GRIN2B: variants seen among roughly 807,000 people sequenced by gnomAD.
GRIN2B encodes glutamate ionotropic receptor NMDA type subunit 2B.
GRIN2B carries 5 observed loss-of-function variants against 114.5 expected under a neutral mutation model. The observed-to-expected ratio is 0.04, with a 90% CI of 0.02 to 0.09. The LOEUF (loss-of-function observed/expected upper bound fraction) is 0.09. Ranked by LOEUF, GRIN2B falls within the 10% of genes least tolerant of loss-of-function variation. GRIN2B has a pLI of 1.00. For synonymous variants in GRIN2B, 787 were observed against 745.1 expected (o/e 1.06, Z -0.92); for missense variants, 1,108 against 1,943.5 (o/e 0.57, Z 8.08).
chr12:13,620,997 G>A (rs1399979684), intron 5 of GRIN2B, among the ~76,000 whole-genome samples: 1 of 151,592 alleles, frequency 6.6e-6, no homozygotes, highest in Non-Finnish European at 1.5e-5. Context: ...CAACAAACAG[G>A]GTTCATGTTA....
At chr12:13,953,534 G>T (rs1165811432) in intron 2 of GRIN2B, among the ~76,000 whole-genome samples, 1 of 152,174 alleles carries the variant, frequency 6.6e-6, no homozygotes, top group African/African-American at 2.4e-5. Context: ...ACATTTCCAA[G>T]CCTCCCGTGC....
At chr12:13,676,567 T>C (rs1192563033) in intron 4 of GRIN2B, among the ~76,000 whole-genome samples, 1 of 152,094 alleles carries the variant, frequency 6.6e-6, no homozygotes, top group Non-Finnish European at 1.5e-5. Context: ...TCTCATTAAG[T>C]GCTAACAATT....
intron 4 of GRIN2B, among the ~76,000 whole-genome samples, chr12:13,711,164 T>A (rs1481872518): frequency 2.0e-5 from 3 of 152,164 alleles, no homozygotes; most frequent in Admixed American, 6.5e-5. Flanking sequence ...CTGGGAAAAC[T>A]GGCTAGCCAT....
chr12:13,601,552 G>A (rs889692513), intron 10 of GRIN2B, among the ~76,000 whole-genome samples: 1 of 149,446 alleles, frequency 6.7e-6, no homozygotes, highest in Non-Finnish European at 1.5e-5. Context: ...GTCAATGTTT[G>A]TAGGTTCTAG....
intron 4 of GRIN2B, chr12:13,683,781 C>T (rs1344572391): frequency 6.6e-6 from 1 of 152,180 alleles, no homozygotes; most frequent in Non-Finnish European, 1.5e-5. Flanking sequence ...AAGCTCTCAA[C>T]ATATATAAAG....
At chr12:13,910,106 C>A (rs1340716884) in intron 2 of GRIN2B, among the ~76,000 whole-genome samples, 3 of 152,084 alleles carry the variant, frequency 2.0e-5, no homozygotes, top group Admixed American at 2.0e-4. Flanking sequence ...TGCTTCCAAA[C>A]CTGGTTATTT....
At chr12:13,861,730 C>T (rs1307364800) in intron 3 of GRIN2B, among the ~76,000 whole-genome samples, 1 of 152,128 alleles carries the variant, frequency 6.6e-6, no homozygotes, top group Non-Finnish European at 1.5e-5. Context: ...AGAGCCTTCC[C>T]CCAGATTTTC....
chr12:13,655,478 A>C (rs531411509), intron 5 of GRIN2B, among the ~76,000 whole-genome samples: 105 of 152,178 alleles, frequency 6.9e-4, no homozygotes, highest in Non-Finnish European at 1.4e-3. Context: ...CTTAGAAGCT[A>C]CTGCAGATTA....
chr12:13,606,053 T>C (rs191208198), intron 10 of GRIN2B, among the ~76,000 whole-genome samples: 4 of 152,206 alleles, frequency 2.6e-5, no homozygotes, highest in African/African-American at 9.6e-5. Flanking sequence ...CATAGTCTAC[T>C]ACCTCTCTGC....
At chr12:13,799,965 TC>T (rs1391166517) in intron 3 of GRIN2B, among the ~76,000 whole-genome samples, 1 of 152,124 alleles carries the variant, frequency 6.6e-6, no homozygotes, top group African/African-American at 2.4e-5. Flanking sequence ...ACTCTATTTC[TC>T]CCAGGGGACT....
chr12:13,774,879 T>C (rs1473564664), intron 3 of GRIN2B, among the ~76,000 whole-genome samples: 1 of 152,144 alleles, frequency 6.6e-6, no homozygotes, highest in African/African-American at 2.4e-5. Flanking sequence ...AAGTGAAATG[T>C]AATTATCACA....
intron 2 of GRIN2B, among the ~76,000 whole-genome samples, chr12:13,978,286 G>T (rs1863064379): frequency 6.6e-6 from 1 of 152,144 alleles, no homozygotes; most frequent in African/African-American, 2.4e-5. Flanking sequence ...AATGAGTTCA[G>T]GTGTCTCTAA....
At chr12:13,672,371 C>A (rs1950030226) in intron 5 of GRIN2B, among the ~76,000 whole-genome samples, 1 of 152,134 alleles carries the variant, frequency 6.6e-6, no homozygotes, top group South Asian at 2.1e-4. Flanking sequence ...GTGTTCAAAT[C>A]CTCCCTGTAG....
chr12:13,805,227 C>T (rs765950572), intron 3 of GRIN2B, among the ~76,000 whole-genome samples: 1 of 152,176 alleles, frequency 6.6e-6, no homozygotes, highest in African/African-American at 2.4e-5. Context: ...GGTGCAATGA[C>T]TCACTGAGGT....
chr12:13,651,175 T>C (rs7316069), intron 5 of GRIN2B, among the ~76,000 whole-genome samples: 152,228 of 152,228 alleles, frequency 1, 76,114 homozygotes, highest in Non-Finnish European at 1. Flanking sequence ...CCTAAGATGT[T>C]TTATATCTTC....
intron 2 of GRIN2B, among the ~76,000 whole-genome samples, chr12:13,891,723 G>A (rs1385424711): frequency 6.6e-6 from 1 of 152,060 alleles, no homozygotes; most frequent in Non-Finnish European, 1.5e-5. Flanking sequence ...CCTCTATTTA[G>A]CCTTAGAATG....
chr12:13,872,038 G>T (rs1865918572), intron 2 of GRIN2B, among the ~76,000 whole-genome samples: 1 of 151,526 alleles, frequency 6.6e-6, no homozygotes, highest in Non-Finnish European at 1.5e-5. Context: ...AAGTGGTACA[G>T]ATGGTTTTAT....
At chr12:13,604,454 C>T (rs909090098) in intron 10 of GRIN2B, among the ~76,000 whole-genome samples, 8 of 152,264 alleles carry the variant, frequency 5.3e-5, no homozygotes, top group South Asian at 4.2e-4. Context: ...TTTCCATCAT[C>T]GCTCCAAGAT....
chr12:13,750,051 GGA>G (rs1863455065), intron 4 of GRIN2B, among the ~76,000 whole-genome samples: 1 of 152,180 alleles, frequency 6.6e-6, no homozygotes, highest in Non-Finnish European at 1.5e-5. Context: ...AGTTTGCAGA[GGA>G]AATGCTTTAG....
Sources: gnomAD v4.1 joint callset for allele counts (sites outside exome capture counted in the v4.1 genomes callset) on GRCh38, gnomAD v4.1.1 for gene constraint, MANE v1.5 for transcripts, NCBI Gene and HGNC (gene_info 2026-07-23, HGNC 2026-07-21) for gene names.